FHIT: variants seen among roughly 807,000 people sequenced by gnomAD.
FHIT encodes fragile histidine triad diadenosine triphosphatase.
In FHIT, 19 loss-of-function variants were observed where a neutral mutation model predicts 17.9. The observed-to-expected ratio is 1.06, with a 90% CI of 0.74 to 1.56. The LOEUF is 1.56. Ranked by LOEUF, FHIT falls within the 40% of genes most tolerant of loss-of-function variation. The probability of loss-of-function intolerance (pLI) is 0.00; values close to 1 mark genes in which losing one functional copy is unlikely to be tolerated. For synonymous variants in FHIT, 81 were observed against 69.7 expected (o/e 1.16, Z -0.81); for missense variants, 248 against 189.2 (o/e 1.31, Z -1.82).
At chr3:60,493,910 G>GA (rs747842730) in intron 5 of FHIT, among the ~76,000 whole-genome samples, 3 of 152,124 alleles carry the variant, frequency 2.0e-5, no homozygotes, top group South Asian at 2.1e-4. Context: ...GAATAGCTCA[G>GA]AAAAAATCAT....
chr3:60,064,832 G>C (rs548661298), intron 5 of FHIT, among the ~76,000 whole-genome samples: 1 of 152,234 alleles, frequency 6.6e-6, no homozygotes, highest in African/African-American at 2.4e-5. Flanking sequence ...TGCTGTGTTA[G>C]GCACTTCGCA....
At chr3:59,856,870 TA>T (rs962447184) in intron 8 of FHIT, among the ~76,000 whole-genome samples, 8 of 103,250 alleles carry the variant, frequency 7.7e-5, no homozygotes, top group Admixed American at 3.4e-4. Context: ...CCCGGCTGAG[TA>T]TTTTTTTTTT....
At chr3:60,701,428 C>G (rs189881720) in intron 4 of FHIT, among the ~76,000 whole-genome samples, 53 of 152,188 alleles carry the variant, frequency 3.5e-4, no homozygotes, top group African/African-American at 1.1e-3. Context: ...AGTCTCCCCC[C>G]CAAACTCAGG....
intron 5 of FHIT, among the ~76,000 whole-genome samples, chr3:60,312,417 T>A (rs11130765): frequency 0.44 from 66,638 of 151,930 alleles, 15,579 homozygotes; most frequent in East Asian, 0.88. Context: ...TGCCAGGACC[T>A]TAGCCATGAG....
chr3:60,531,384 T>C (rs2035778182), intron 5 of FHIT, among the ~76,000 whole-genome samples: 1 of 150,778 alleles, frequency 6.6e-6, no homozygotes, highest in African/African-American at 2.4e-5. Flanking sequence ...GTTCACGCCA[T>C]TCTCCTGCCT....
chr3:60,702,700 G>A (rs566459023), intron 4 of FHIT, among the ~76,000 whole-genome samples: 293 of 151,930 alleles, frequency 1.9e-3, no homozygotes, highest in Non-Finnish European at 3.3e-3. Flanking sequence ...CATTTTCTTC[G>A]CTTAATTTTT....
intron 2 of FHIT, among the ~76,000 whole-genome samples, chr3:61,184,096 A>G (rs1377631412): frequency 3.3e-5 from 5 of 152,130 alleles, no homozygotes; most frequent in Non-Finnish European, 7.4e-5. Flanking sequence ...CCTGATGCCT[A>G]TAATATTTTT....
intron 5 of FHIT, among the ~76,000 whole-genome samples, chr3:60,064,245 T>C (rs1166506005): frequency 1.3e-5 from 2 of 152,212 alleles, no homozygotes; most frequent in African/African-American, 4.8e-5. Flanking sequence ...TACCTAGTAA[T>C]AATAAAACTA....
At chr3:59,753,898 T>A in intron 8 of FHIT, among the ~76,000 whole-genome samples, 1 of 152,222 alleles carries the variant, frequency 6.6e-6, no homozygotes, top group East Asian at 1.9e-4. Flanking sequence ...ACAGTGTCCC[T>A]AAAGAGCATC....
intron 5 of FHIT, among the ~76,000 whole-genome samples, chr3:60,344,129 T>TC (rs1457562452): frequency 1.8e-4 from 28 of 152,282 alleles, no homozygotes; most frequent in African/African-American, 5.8e-4. Context: ...AATAATTCCT[T>TC]TAAAAAGTAA....
In FHIT at chr3:60,860,237, T is replaced by C. The variant is rs552009530; in HGVS notation, c.-110-38226A>G. Among the ~76,000 whole-genome samples, 294 of 98,760 alleles carry C rather than the reference T, an allele frequency of 3.0e-3. 1 individual carries two copies. The highest frequency in any genetic ancestry group is 0.011 in the African/African-American group (262 of 23,750). The allele number at this position is 98,760 out of a possible 152,430, so 64.8% of individuals were successfully genotyped here. ...ATACATGAGATACATCATATGTATATATGGTATACATGAGATACATCATAT... is the reference window on the plus strand; with the variant it reads ...ATACATGAGATACATCATATGTATACATGGTATACATGAGATACATCATAT... On this transcript the variant is annotated intron_variant, in intron 3 of 9. Transcript: ENST00000492590.
At chr3:60,237,686 G>A (rs139747350) in intron 5 of FHIT, among the ~76,000 whole-genome samples, 4 of 152,178 alleles carry the variant, frequency 2.6e-5, no homozygotes, top group Non-Finnish European at 4.4e-5. Flanking sequence ...ACTTGCATTC[G>A]GTTTGCAGTT....
At chr3:60,968,827 T>C (rs920833395) in intron 3 of FHIT, among the ~76,000 whole-genome samples, 3 of 152,230 alleles carry the variant, frequency 2.0e-5, no homozygotes, top group Non-Finnish European at 2.9e-5. Flanking sequence ...TCTATTGAGA[T>C]GATGATATGG....
At chr3:60,984,291 T>G (rs750714245) in intron 3 of FHIT, among the ~76,000 whole-genome samples, 1 of 152,218 alleles carries the variant, frequency 6.6e-6, no homozygotes, top group Non-Finnish European at 1.5e-5. Flanking sequence ...GGGAAAATGT[T>G]TCATTGTGGT....
chr3:60,422,580 G>T (rs758593660), intron 5 of FHIT, among the ~76,000 whole-genome samples: 1 of 152,024 alleles, frequency 6.6e-6, no homozygotes, highest in Non-Finnish European at 1.5e-5. Flanking sequence ...ATAAACTCAA[G>T]GGTAACTTAA....
intron 3 of FHIT, among the ~76,000 whole-genome samples, chr3:60,970,268 A>G (rs577452062): frequency 3.3e-5 from 5 of 152,102 alleles, no homozygotes; most frequent in Non-Finnish European, 5.9e-5. Context: ...ATATGTACCT[A>G]TACATATAGC....
At chr3:60,238,424 A>T (rs1704928034) in intron 5 of FHIT, among the ~76,000 whole-genome samples, 2 of 130,958 alleles carry the variant, frequency 1.5e-5, no homozygotes, top group South Asian at 4.9e-4. Context: ...AGAAATTTAT[A>T]CCACTCAACT....
At chr3:60,033,542 T>C (rs533690057) in intron 5 of FHIT, among the ~76,000 whole-genome samples, 2 of 151,882 alleles carry the variant, frequency 1.3e-5, no homozygotes, top group South Asian at 4.2e-4. Context: ...AAAAGAAATA[T>C]GATAATAATA....
intron 2 of FHIT, among the ~76,000 whole-genome samples, chr3:61,099,577 T>C (rs1365175492): frequency 6.6e-6 from 1 of 152,198 alleles, no homozygotes; most frequent in African/African-American, 2.4e-5. Flanking sequence ...TATTTATTAT[T>C]GTCTAAATTT....
Sources: allele counts gnomAD v4.1 joint callset (sites outside exome capture counted in the v4.1 genomes callset), GRCh38; gene constraint gnomAD v4.1.1; transcripts MANE v1.5; gene names NCBI Gene and HGNC (gene_info 2026-07-23, HGNC 2026-07-21).